ETV6: variants seen among roughly 807,000 people sequenced by gnomAD.
ETV6 encodes the protein transcription factor ETV6.
A neutral mutation model predicts 51.1 loss-of-function variants in ETV6; 16 were observed. That is an observed-to-expected ratio of 0.31 (90% CI 0.21 to 0.48). ETV6 has a LOEUF of 0.48. ETV6 is among the 20% of genes least tolerant of loss of function. The pLI is 0.99. For missense variants in ETV6, 458 were observed against 594.8 expected (o/e 0.77, Z 2.39); for synonymous variants, 240 against 224.1 (o/e 1.07, Z -0.64).
chr12:11,886,116 A>G (rs1406314906), intron 7 of ETV6, 90 bp downstream of exon 7: 4 of 903,404 alleles, frequency 4.4e-6, no homozygotes, highest in Non-Finnish European at 7.3e-6. Flanking sequence ...TAAGATCTCT[A>G]CCTGCCTATC....
At chr12:11,812,004 C>T (rs1945920702) in intron 2 of ETV6, among the ~76,000 whole-genome samples, 1 of 152,190 alleles carries the variant, frequency 6.6e-6, no homozygotes, top group South Asian at 2.1e-4. Context: ...GCTTTGCAAT[C>T]AGACACATGT....
At chr12:11,740,698 TA>T (rs1010370185) in intron 1 of ETV6, among the ~76,000 whole-genome samples, 11 of 152,326 alleles carry the variant, frequency 7.2e-5, no homozygotes, top group South Asian at 4.1e-4. Flanking sequence ...CAGAGGCTTT[TA>T]AAAAAAAATT....
At chr12:11,725,246 C>G (rs1865467667) in intron 1 of ETV6, among the ~76,000 whole-genome samples, 1 of 151,126 alleles carries the variant, frequency 6.6e-6, no homozygotes, top group African/African-American at 2.4e-5. Context: ...ATGGATTGGT[C>G]AGAATTCCAA....
chr12:11,869,392 G>T lies in ETV6; in HGVS notation c.464-32G>T, dbSNP rs748921678. On this transcript the variant is annotated intron_variant, in intron 4 of 7. Coordinates refer to ENST00000396373, the MANE Select transcript of ETV6 (RefSeq NM_001987.5). The surrounding 1 kb of genome is among the most constrained non-coding windows in gnomAD (Gnocchi z 5.0). ...GTTTCCTGTCCTGCCAACTCACTGG[G>T]GTCTGTGATTGTCTTTCCCTCTGCT... is the stretch of plus-strand genomic sequence containing the variant. The T allele has an allele frequency of 1.3e-6, 2 of 1,573,630 alleles. No individual in the cohort carries two copies. Among genetic ancestry groups the T allele is most frequent in the Non-Finnish European group, 1.7e-6 (2 of 1,158,206 alleles).
intron 1 of ETV6, among the ~76,000 whole-genome samples, chr12:11,739,940 G>A (rs527436557): frequency 1.3e-4 from 20 of 152,298 alleles, no homozygotes; most frequent in Admixed American, 3.3e-4. Flanking sequence ...AATTTTTCCC[G>A]TTGTGTTAAC....
At chr12:11,835,336 G>C (rs1195655963) in intron 2 of ETV6, among the ~76,000 whole-genome samples, 2 of 152,254 alleles carry the variant, frequency 1.3e-5, no homozygotes, top group African/African-American at 4.8e-5. Context: ...TATAGGTGCA[G>C]AGTAATGGTC....
intron 2 of ETV6, among the ~76,000 whole-genome samples, chr12:11,803,492 T>C (rs753841491): frequency 1.3e-5 from 2 of 152,244 alleles, no homozygotes; most frequent in Non-Finnish European, 2.9e-5. Flanking sequence ...TTTCTCAATG[T>C]ATTTGTAAGA....
At chr12:11,881,979 C>G (rs1591747141) in intron 5 of ETV6, among the ~76,000 whole-genome samples, 1 of 152,306 alleles carries the variant, frequency 6.6e-6, no homozygotes, top group East Asian at 1.9e-4. Context: ...CAGAATGCAG[C>G]CATGGCAAGA....
At chr12:11,650,848 A>T (rs1042830244) in intron 1 of ETV6, among the ~76,000 whole-genome samples, 7 of 152,194 alleles carry the variant, frequency 4.6e-5, no homozygotes, top group Non-Finnish European at 1.0e-4. Context: ...AACTCCTGTG[A>T]TGGAGGGAGA....
intron 2 of ETV6, among the ~76,000 whole-genome samples, chr12:11,816,695 G>A (rs1035814929): frequency 1.1e-4 from 17 of 152,246 alleles, no homozygotes; most frequent in African/African-American, 3.1e-4. Context: ...TTCCCTCAAC[G>A]TGCCTGCAGT....
intron 2 of ETV6, among the ~76,000 whole-genome samples, chr12:11,779,305 G>T (rs1945378323): frequency 6.6e-6 from 1 of 152,156 alleles, no homozygotes; most frequent in African/African-American, 2.4e-5. Flanking sequence ...GGCAGAAATT[G>T]AGCACACAAG....
chr12:11,799,944 C>A (rs1342369258), intron 2 of ETV6, among the ~76,000 whole-genome samples: 2 of 152,100 alleles, frequency 1.3e-5, no homozygotes, highest in African/African-American at 4.8e-5. Context: ...TTAACAATTA[C>A]TTGTAGAGAC....
chr12:11,789,380 A>T (rs1481738969), intron 2 of ETV6, among the ~76,000 whole-genome samples: 1 of 152,000 alleles, frequency 6.6e-6, no homozygotes, highest in Non-Finnish European at 1.5e-5. Flanking sequence ...TCACTAATTC[A>T]TCCGCCCTGC....
chr12:11,883,279 T>TTCTTTTTTTTG (rs1565566859), intron 5 of ETV6, among the ~76,000 whole-genome samples: 1 of 8,188 alleles, frequency 1.2e-4, no homozygotes, highest in African/African-American at 3.8e-4. Context: ...TCTTCTTCTT[T>TTCTTTTTTTTG]TTTTTTTTTT....
chr12:11,660,820 GT>G (rs1864087637), intron 1 of ETV6, among the ~76,000 whole-genome samples: 1 of 152,066 alleles, frequency 6.6e-6, no homozygotes, highest in Non-Finnish European at 1.5e-5. Context: ...CACCTCTGTG[GT>G]TTTGCTAATT....
intron 4 of ETV6, among the ~76,000 whole-genome samples, chr12:11,856,448 G>A (rs946682189): frequency 6.6e-5 from 10 of 152,274 alleles, no homozygotes; most frequent in Admixed American, 3.3e-4. Flanking sequence ...GAGCATGTCC[G>A]GGCGCATGTG....
At chr12:11,870,011 C>G in intron 5 of ETV6, 42 bp downstream of exon 5, 1 of 1,552,208 alleles carries the variant, frequency 6.4e-7, no homozygotes, top group Non-Finnish European at 8.7e-7. Flanking sequence ...TCATGGGGAC[C>G]TGACAAAGTC....
chr12:11,892,228 T>TTTG lies in ETV6; in HGVS notation c.*1184_*1185insGTT. The TTTG allele has an allele frequency of 4.4e-6, 1 of 229,540 alleles. No individual in the cohort carries two copies. The allele number at this position is 229,540 out of a possible 1,614,324, so 14.2% of individuals were successfully genotyped here. ...TCACCTGATTTTTTTTTTTTTTTTT[T>TTTG]TTTTTCAATTCCTAACCTTTTTTAA... On this transcript the variant is annotated 3_prime_UTR_variant, in exon 8 of 8. Coordinates refer to ENST00000396373, the MANE Select transcript of ETV6 (RefSeq NM_001987.5).
chr12:11,866,487 A>G (rs1425331789), intron 4 of ETV6, among the ~76,000 whole-genome samples: 1 of 152,128 alleles, frequency 6.6e-6, no homozygotes, highest in Non-Finnish European at 1.5e-5. Context: ...AAGAGTATTG[A>G]CTTTTGTTCT....
Sources: allele counts gnomAD v4.1 joint callset (sites outside exome capture counted in the v4.1 genomes callset), GRCh38; gene constraint gnomAD v4.1.1; non-coding constraint Gnocchi (gnomAD v3.1); transcripts MANE v1.5; gene names NCBI Gene and HGNC (gene_info 2026-07-23, HGNC 2026-07-21).